The following GDF6 variants were observed in gnomAD, a reference collection of about 807,000 sequenced individuals.
The protein encoded by GDF6 is growth differentiation factor 6.
Under a neutral mutation model 32.4 loss-of-function variants are expected in GDF6, and 3 were observed. The ratio of observed to expected loss-of-function variants is 0.09; its 90% CI spans 0.04 to 0.24. GDF6 has a LOEUF of 0.24. Among genes scored for constraint, GDF6 ranks in the 10% least tolerant of loss-of-function variants. The pLI is 1.00. For missense variants in GDF6, 589 were observed against 637.9 expected (o/e 0.92, Z 0.83); for synonymous variants, 296 against 295.3 (o/e 1.00, Z -0.03).
chr8:96,145,465 A>G lies in GDF6; in HGVS notation c.466T>C (p.Ser156Pro). ...GCGCCCACCAGCTCTTCTTTGTCTG[A>G]GAGCATGGACACATCAAACAAATAC... ...QKYLFDVSML[S>P]DKEELVGAEL... Residue 156 changes from serine (S) to proline (P), a missense_variant, in exon 2 of 2, where the codon TCA becomes CCA. By Grantham distance (74) the Ser-to-Pro change is moderately conservative. This residue lies in a region of GDF6 where 436 missense variants were observed against 411.2 expected (regional missense o/e 1.06). Transcript: ENST00000287020. The surrounding 1 kb of genome is among the most constrained non-coding windows in gnomAD (Gnocchi z 5.6). 1 of 1,597,918 alleles carries G rather than the reference A, an allele frequency of 6.3e-7. No individual in the cohort carries two copies. Among genetic ancestry groups the G allele is most frequent in the Non-Finnish European group, 8.5e-7 (1 of 1,179,660 alleles).
At chr8:96,148,141 C>T (rs766966745) in intron 1 of GDF6, among the ~76,000 whole-genome samples, 6 of 152,220 alleles carry the variant, frequency 3.9e-5, no homozygotes, top group Non-Finnish European at 5.9e-5. Context: ...CAGCCCACCC[C>T]TACCCTTTCC....
chr8:96,156,708 T>A (rs932852607), intron 1 of GDF6, among the ~76,000 whole-genome samples: 1 of 152,238 alleles, frequency 6.6e-6, no homozygotes, highest in Non-Finnish European at 1.5e-5. Context: ...AAATCAGGGA[T>A]AATATGGTTT....
At chr8:96,150,930 C>T (rs1029655714) in intron 1 of GDF6, among the ~76,000 whole-genome samples, 2 of 152,234 alleles carry the variant, frequency 1.3e-5, no homozygotes, top group Non-Finnish European at 2.9e-5. Flanking sequence ...AAGTCTCTCA[C>T]CTTCCGCGCT....
intron 1 of GDF6, among the ~76,000 whole-genome samples, chr8:96,158,669 A>C (rs1308154152): frequency 2.0e-5 from 3 of 152,170 alleles, no homozygotes; most frequent in South Asian, 2.1e-4. Context: ...ATTGTAGTAG[A>C]GAAAGTGCAC....
intron 1 of GDF6, among the ~76,000 whole-genome samples, chr8:96,146,077 G>A (rs1305923551): frequency 1.3e-5 from 2 of 152,080 alleles, no homozygotes; most frequent in Non-Finnish European, 2.9e-5. Context: ...GCCTTTCCCA[G>A]TAACACTCTG....
At chr8:96,154,813 C>T (rs1299721050) in intron 1 of GDF6, among the ~76,000 whole-genome samples, 2 of 152,204 alleles carry the variant, frequency 1.3e-5, no homozygotes, top group Non-Finnish European at 2.9e-5. Flanking sequence ...CAGTCTCCAC[C>T]TCATTCCCTT....
At position 96,145,396 on chromosome 8, in the gene GDF6, G is replaced by T; in HGVS notation, c.535C>A (p.Pro179Thr). The change falls in exon 2 of 2, where the codon CCA becomes ACA. Residue 179 changes from proline to threonine, a missense_variant. Pro to Thr is a conservative substitution (Grantham distance 38). Coordinates refer to ENST00000287020, the MANE Select transcript of GDF6 (RefSeq NM_001001557.4). The surrounding 1 kb of genome is among the most constrained non-coding windows in gnomAD (Gnocchi z 5.6). ...FRQAPSAPWG[P>T]PAGPLHVQLF... ...TGCACGTGGAGCGGCCCGGCTGGTG[G>T]CCCCCAGGGCGCTGAGGGCGCCTGG... The T allele has an allele frequency of 1.9e-6, 3 of 1,579,260 alleles. No individual in the cohort carries two copies. The highest frequency in any genetic ancestry group is 2.6e-6 in the Non-Finnish European group (3 of 1,170,396).
At chr8:96,156,357 T>C (rs1812660937) in intron 1 of GDF6, among the ~76,000 whole-genome samples, 1 of 147,452 alleles carries the variant, frequency 6.8e-6, no homozygotes, top group Non-Finnish European at 1.5e-5. Flanking sequence ...TCAGTCAGTC[T>C]CTTTCTCTCT....
intron 1 of GDF6, among the ~76,000 whole-genome samples, chr8:96,152,180 G>T (rs1005147306): frequency 1.3e-5 from 2 of 152,228 alleles, no homozygotes; most frequent in Non-Finnish European, 2.9e-5. Flanking sequence ...CTTATCTGAA[G>T]TCAAGTGAAA....
Position 96,145,785 on chromosome 8 carries a change from G to A in GDF6, c.407-261C>T, listed in dbSNP as rs1485887359. ...GGAAGTCGGTGGCTGCTGGCGAGGC[G>A]GCGGCGGCGGCCTACCGGGTTTTCC... On this transcript the variant is annotated intron_variant, in intron 1 of 1. Coordinates refer to ENST00000287020, the MANE Select transcript of GDF6 (RefSeq NM_001001557.4). The surrounding 1 kb of genome is among the most constrained non-coding windows in gnomAD (Gnocchi z 5.6). Among the ~76,000 whole-genome samples the A allele has an allele frequency of 1.3e-5, 2 of 152,162 alleles. No individual in the cohort carries two copies. Among genetic ancestry groups the A allele is most frequent in the African/African-American group, 2.4e-5 (1 of 41,456 alleles).
chr8:96,153,523 C>T (rs893369667), intron 1 of GDF6, among the ~76,000 whole-genome samples: 2 of 152,214 alleles, frequency 1.3e-5, no homozygotes, highest in South Asian at 2.1e-4. Context: ...CTAGGGGCGG[C>T]CTTCCCTGCA....
chr8:96,153,273 C>T (rs1039412609), intron 1 of GDF6, among the ~76,000 whole-genome samples: 10 of 152,270 alleles, frequency 6.6e-5, no homozygotes, highest in African/African-American at 2.4e-4. Context: ...TGGCTGCGTG[C>T]TCTCTTGAGG....
intron 1 of GDF6, among the ~76,000 whole-genome samples, chr8:96,150,112 T>C (rs1406678821): frequency 1.2e-4 from 18 of 152,258 alleles, no homozygotes; most frequent in Admixed American, 1.2e-3. Context: ...TTGAAAGTCC[T>C]AGTTGGATTT....
At position 96,145,280 on chromosome 8, in the gene GDF6, C is replaced by A; in HGVS notation, c.651G>T (p.Val217=). ...APPAGWEVFD[V]WQGLRHQPWK... Reference sequence around the variant, plus strand: ...AGGGCTGGTGGCGCAGGCCCTGCCACACGTCGAAGACTTCCCAGCCGGCCG... The same window carrying A: ...AGGGCTGGTGGCGCAGGCCCTGCCAAACGTCGAAGACTTCCCAGCCGGCCG... The change falls in exon 2 of 2, where the codon GTG becomes GTT. Residue 217 remains valine, a synonymous_variant. Transcript: ENST00000287020. The surrounding 1 kb of genome is among the most constrained non-coding windows in gnomAD (Gnocchi z 5.6). The A allele has an allele frequency of 6.5e-7, 1 of 1,527,610 alleles. No individual in the cohort carries two copies. The highest frequency in any genetic ancestry group is 8.7e-7 in the Non-Finnish European group (1 of 1,143,410). The allele number at this position is 1,527,610 out of a possible 1,614,324, so 94.6% of individuals were successfully genotyped here. A position where few individuals can be genotyped will look rare whatever the true frequency, so the allele number is the denominator to read the frequency against.
chr8:96,156,379 T>TCTCTCTCTCTCTCTCTCTCC (rs1812662639), intron 1 of GDF6, among the ~76,000 whole-genome samples: 1 of 556 alleles, frequency 1.8e-3, no homozygotes, highest in South Asian at 0.042. Flanking sequence ...TCTCTTTCCC[T>TCTCTCTCTCTCTCTCTCTCC]CTCTCTCTCT....
chr8:96,145,190 C>T lies in GDF6; in HGVS notation c.741G>A (p.Ala247=), dbSNP rs563560538. The T allele has an allele frequency of 7.7e-5, 116 of 1,498,840 alleles. 1 individual carries two copies. In the East Asian group the frequency reaches 3.1e-3, roughly 40 times the overall value. The allele number at this position is 1,498,840 out of a possible 1,614,324, so 92.8% of individuals were successfully genotyped here. Residue 247 remains alanine, a synonymous_variant, in exon 2 of 2, where the codon GCG becomes GCA. Transcript: ENST00000287020. This position sits in a 1 kb window ranked among gnomAD's most constrained non-coding sequence, Gnocchi z 5.6. ...WGELDAGEAE[A]RARGPQQPPP... ...GCGGTTGCTGGGGTCCCCGCGCGCGCGCCTCGGCCTCCCCGGCGTCCAGCT... is the reference window on the plus strand; with the variant it reads ...GCGGTTGCTGGGGTCCCCGCGCGCGTGCCTCGGCCTCCCCGGCGTCCAGCT...
intron 1 of GDF6, among the ~76,000 whole-genome samples, chr8:96,154,763 C>A (rs1812630824): frequency 6.6e-6 from 1 of 152,186 alleles, no homozygotes; most frequent in African/African-American, 2.4e-5. Context: ...AACAAAAGTT[C>A]TCGTTCTGCC....
At chr8:96,154,354 T>G (rs1431380077) in intron 1 of GDF6, among the ~76,000 whole-genome samples, 1 of 152,132 alleles carries the variant, frequency 6.6e-6, no homozygotes, top group Non-Finnish European at 1.5e-5. Flanking sequence ...TCACCCCAAG[T>G]GGACCCAACC....
intron 1 of GDF6, 108 bp downstream of exon 1, chr8:96,160,179 A>T: frequency 9.2e-7 from 1 of 1,088,282 alleles, no homozygotes; most frequent in Non-Finnish European, 1.4e-6. Context: ...GTAAAAAGGA[A>T]GTGTCCAGAG....
Sources: allele counts gnomAD v4.1 joint callset (sites outside exome capture counted in the v4.1 genomes callset), GRCh38; gene constraint gnomAD v4.1.1; regional missense constraint gnomAD v4.1.1; non-coding constraint Gnocchi (gnomAD v3.1); transcripts MANE v1.5; gene names NCBI Gene and HGNC (gene_info 2026-07-23, HGNC 2026-07-21).